Variants in DAB1 observed in about 807,000 individuals in gnomAD.
The protein encoded by DAB1 is DAB adaptor protein 1.
A neutral mutation model predicts 64.6 loss-of-function variants in DAB1; 15 were observed. The observed-to-expected ratio is 0.23, with a 90% confidence interval of 0.16 to 0.36. DAB1 has a LOEUF of 0.36. Ranked by LOEUF, DAB1 falls within the 10% of genes least tolerant of loss-of-function variation. The probability of loss-of-function intolerance (pLI) is 1.00; values close to 1 mark genes in which losing one functional copy is unlikely to be tolerated. For missense variants in DAB1, 596 were observed against 706.7 expected (o/e 0.84, Z 1.78); for synonymous variants, 235 against 251.9 (o/e 0.93, Z 0.64).
Position 57,606,795 on chromosome 1 carries a change from T to G in DAB1, n.625+42797A>C, listed in dbSNP as rs113572754. 3.7e-3 allele frequency among the ~76,000 whole-genome samples: 494 copies of G among 133,160 alleles called. 1 individual carries two copies. The highest frequency in any genetic ancestry group is 5.6e-3 in the East Asian group (27 of 4,788). 87.4% of individuals were successfully genotyped at this position (133,160 alleles called of 152,430 possible). A position where few individuals can be genotyped will look rare whatever the true frequency, so the allele number is the denominator to read the frequency against. The stretch of plus-strand genomic sequence containing the variant: ...TAAATATATTTTATACATATATATA[T>G]AGAGAGAGAGAGAGACAGATTTTCA... On this transcript the variant is annotated intron_variant and non_coding_transcript_variant, in intron 7 of 20. Transcript: ENST00000485760.
chr1:57,712,992 C>G (rs1333873013), intron 6 of DAB1, among the ~76,000 whole-genome samples: 1 of 152,146 alleles, frequency 6.6e-6, no homozygotes, highest in Non-Finnish European at 1.5e-5. Context: ...CAGATTAAAA[C>G]TGACAGAGAT....
At chr1:58,462,939 C>T (rs560877435) in intron 3 of DAB1, 1 of 152,268 alleles carries the variant, frequency 6.6e-6, no homozygotes, top group South Asian at 2.1e-4. Flanking sequence ...ATAACCTCAG[C>T]TTCCTTGTCT....
At chr1:57,563,483 G>A (rs1250982704) in intron 7 of DAB1, among the ~76,000 whole-genome samples, 1 of 152,150 alleles carries the variant, frequency 6.6e-6, no homozygotes, top group African/African-American at 2.4e-5. Context: ...AGCCGAAGCA[G>A]GGTGAGGCAT....
chr1:57,709,790 T>C (rs1435282835), intron 6 of DAB1, among the ~76,000 whole-genome samples: 2 of 152,164 alleles, frequency 1.3e-5, no homozygotes, highest in Non-Finnish European at 2.9e-5. Context: ...ATTATGCAGA[T>C]GGGTTCTCTA....
chr1:57,308,287 AT>A (rs1302890705), intron 1 of DAB1, among the ~76,000 whole-genome samples: 5 of 152,150 alleles, frequency 3.3e-5, no homozygotes, highest in African/African-American at 1.2e-4. Flanking sequence ...GACATCTGTG[AT>A]TCTCTAGATA....
At chr1:58,215,537 T>G (rs925692928) in intron 4 of DAB1, among the ~76,000 whole-genome samples, 1 of 152,314 alleles carries the variant, frequency 6.6e-6, no homozygotes, top group Non-Finnish European at 1.5e-5. Flanking sequence ...CTTGTACTGA[T>G]ATATTTTCAG....
chr1:57,886,528 C>T (rs1271398087), upstream of DAB1, among the ~76,000 whole-genome samples: 1 of 152,192 alleles, frequency 6.6e-6, no homozygotes, highest in Non-Finnish European at 1.5e-5. Context: ...GTACCAGGCA[C>T]TGTTCTAAGC....
intron 4 of DAB1, among the ~76,000 whole-genome samples, chr1:57,109,225 G>A (rs1354047709): frequency 6.6e-6 from 1 of 152,154 alleles, no homozygotes; most frequent in African/African-American, 2.4e-5. Flanking sequence ...GCAGCCAGGG[G>A]CAACTCACCT....
chr1:58,216,045 T>C (rs767944741), intron 4 of DAB1, among the ~76,000 whole-genome samples: 3 of 152,192 alleles, frequency 2.0e-5, no homozygotes, highest in Non-Finnish European at 4.4e-5. Context: ...ATTATTTTTA[T>C]TATACTTTAA....
intron 4 of DAB1, among the ~76,000 whole-genome samples, chr1:57,127,724 C>T (rs1248557502): frequency 6.6e-6 from 1 of 152,080 alleles, no homozygotes; most frequent in African/African-American, 2.4e-5. Context: ...GTCTTAGTCA[C>T]CTAATCTGTA....
chr1:58,216,189 C>T (rs1014189274), intron 4 of DAB1, among the ~76,000 whole-genome samples: 3 of 152,012 alleles, frequency 2.0e-5, no homozygotes, highest in Admixed American at 1.3e-4. Context: ...TAGCCCCCAC[C>T]CCCCAACAGG....
At chr1:57,861,647 G>T (rs979469248) in intron 1 of DAB1, among the ~76,000 whole-genome samples, 5 of 151,750 alleles carry the variant, frequency 3.3e-5, no homozygotes, top group African/African-American at 1.2e-4. Context: ...CTATTAAATA[G>T]AACTAATATT....
intron 7 of DAB1, among the ~76,000 whole-genome samples, chr1:57,459,585 A>T (rs1021277176): frequency 6.6e-6 from 1 of 152,204 alleles, no homozygotes; most frequent in Admixed American, 6.5e-5. Flanking sequence ...CAAAGTAAAA[A>T]CTCATTGGAT....
intron 4 of DAB1, among the ~76,000 whole-genome samples, chr1:58,291,322 C>T (rs1419594433): frequency 2.0e-5 from 3 of 152,168 alleles, no homozygotes; most frequent in Admixed American, 6.5e-5. Flanking sequence ...CTGAATAACA[C>T]AGCCTTCTCT....
chr1:57,060,777 A>AG (rs1216331836), intron 9 of DAB1, among the ~76,000 whole-genome samples: 2 of 152,100 alleles, frequency 1.3e-5, no homozygotes, highest in African/African-American at 2.4e-5. Flanking sequence ...GAGGTAGATT[A>AG]GACACTAGGC....
At chr1:57,346,211 C>T (rs998878380) in intron 1 of DAB1, among the ~76,000 whole-genome samples, 3 of 152,048 alleles carry the variant, frequency 2.0e-5, no homozygotes, top group Admixed American at 2.0e-4. Flanking sequence ...TTACTAATTT[C>T]AGAGGAAAAA....
At chr1:58,302,799 T>C (rs1423767989) in intron 4 of DAB1, among the ~76,000 whole-genome samples, 1 of 152,192 alleles carries the variant, frequency 6.6e-6, no homozygotes. Flanking sequence ...ATAAATATTA[T>C]TATTGTTGCT....
chr1:57,695,361 G>GGAAGGAAAGAAGA (rs1646820519), intron 6 of DAB1, among the ~76,000 whole-genome samples: 8 of 68,666 alleles, frequency 1.2e-4, no homozygotes, highest in Admixed American at 5.2e-4. Flanking sequence ...AGAAAAGAAA[G>GGAAGGAAAGAAGA]AAGAAAGAAA....
intron 5 of DAB1, among the ~76,000 whole-genome samples, chr1:58,073,230 C>A (rs1340537349): frequency 6.6e-6 from 1 of 152,174 alleles, no homozygotes; most frequent in Admixed American, 6.5e-5. Flanking sequence ...CATTGTTCTG[C>A]CTTCACACAT....
Sources: gnomAD v4.1 joint callset for allele counts (sites outside exome capture counted in the v4.1 genomes callset) on GRCh38, gnomAD v4.1.1 for gene constraint, MANE v1.5 for transcripts, NCBI Gene and HGNC (gene_info 2026-07-23, HGNC 2026-07-21) for gene names.